The following STK32B variants were observed in gnomAD, a reference collection of about 807,000 sequenced individuals.
STK32B encodes serine/threonine-protein kinase 32B.
A neutral mutation model predicts 52.6 loss-of-function variants in STK32B; 43 were observed. That is an observed-to-expected ratio of 0.82 (90% CI 0.64 to 1.05). The LOEUF (loss-of-function observed/expected upper bound fraction) is 1.05. STK32B is among the 50% of genes least tolerant of loss of function. The pLI, the probability that STK32B is intolerant of heterozygous loss-of-function variation, is 0.00. For synonymous variants in STK32B, 238 were observed against 204.3 expected (o/e 1.17, Z -1.41); for missense variants, 621 against 534.6 (o/e 1.16, Z -1.59).
At chr4:5,258,897 A>G (rs547537488) in intron 3 of STK32B, among the ~76,000 whole-genome samples, 87 of 152,180 alleles carry the variant, frequency 5.7e-4, no homozygotes, top group Admixed American at 9.8e-4. Flanking sequence ...ATTTCCAGCA[A>G]TCGTCTATGA....
intron 3 of STK32B, among the ~76,000 whole-genome samples, chr4:5,242,477 G>A (rs547068995): frequency 6.6e-6 from 1 of 152,028 alleles, no homozygotes; most frequent in African/African-American, 2.4e-5. Context: ...CTGGATATTA[G>A]CCCTTTGTCA....
intron 3 of STK32B, among the ~76,000 whole-genome samples, chr4:5,175,758 C>T (rs1034368360): frequency 2.0e-5 from 3 of 152,112 alleles, no homozygotes; most frequent in Admixed American, 2.0e-4. Context: ...CAGGGACCCA[C>T]TTGAGGAGGC....
At position 5,466,903 on chromosome 4, in the gene STK32B, C is replaced by T. The variant is rs989255934; in HGVS notation, c.1041+69C>T. 6 of 1,530,602 alleles carry T rather than the reference C, an allele frequency of 3.9e-6. No individual in the cohort carries two copies. The South Asian group carries it at 6.3e-5, about 16-fold the overall frequency. 94.8% of individuals were successfully genotyped at this position (1,530,602 alleles called of 1,614,324 possible). On this transcript the variant is annotated intron_variant, in intron 10 of 11. Transcript: ENST00000282908. ...TCATAGGGAAATGACTGAGCCAGGC[C>T]ACTGTTTAGCAAAAAGGGGACATTT...
chr4:5,325,892 A>G (rs770994856), intron 3 of STK32B, among the ~76,000 whole-genome samples: 1 of 152,248 alleles, frequency 6.6e-6, no homozygotes, highest in Non-Finnish European at 1.5e-5. Flanking sequence ...GAATAGTGCA[A>G]AACTACAGAG....
intron 3 of STK32B, among the ~76,000 whole-genome samples, chr4:5,285,979 A>G (rs2108877045): frequency 6.6e-6 from 1 of 152,228 alleles, no homozygotes; most frequent in Non-Finnish European, 1.5e-5. Context: ...ACTGATATCC[A>G]TATAGAAAGA....
chr4:5,064,300 GAT>G (rs1228084298), intron 1 of STK32B, among the ~76,000 whole-genome samples: 1 of 142,358 alleles, frequency 7.0e-6, no homozygotes, highest in African/African-American at 2.6e-5. Flanking sequence ...TACATGTAAA[GAT>G]ATATTTATTA....
At chr4:5,280,379 C>T (rs953484598) in intron 3 of STK32B, among the ~76,000 whole-genome samples, 2 of 152,134 alleles carry the variant, frequency 1.3e-5, no homozygotes, top group Admixed American at 6.5e-5. Context: ...CTATCAGCAT[C>T]TTGGTCACAA....
chr4:5,061,296 T>C (rs1465598530), intron 1 of STK32B, among the ~76,000 whole-genome samples: 2 of 152,200 alleles, frequency 1.3e-5, no homozygotes, highest in East Asian at 3.9e-4. Flanking sequence ...CTTAATGTTA[T>C]TCATTGTGTT....
At chr4:5,481,291 G>T (rs1204066264) in intron 11 of STK32B, among the ~76,000 whole-genome samples, 1 of 152,122 alleles carries the variant, frequency 6.6e-6, no homozygotes, top group Non-Finnish European at 1.5e-5. Context: ...GGTGTGAGAT[G>T]GTATCTCATT....
chr4:5,450,456 C>T (rs528721601), intron 7 of STK32B, among the ~76,000 whole-genome samples: 69 of 152,266 alleles, frequency 4.5e-4, no homozygotes, highest in Non-Finnish European at 9.4e-4. Context: ...ATCCAGGGAG[C>T]GTTGTACCTC....
chr4:5,489,818 G>A (rs558842500), intron 11 of STK32B, among the ~76,000 whole-genome samples: 10 of 151,972 alleles, frequency 6.6e-5, no homozygotes, highest in Non-Finnish European at 1.5e-5. Flanking sequence ...TTATATGAGT[G>A]CTCATTTATT....
chr4:5,139,990 C>T (rs1334288038), intron 2 of STK32B, 30 bp downstream of exon 2: 1 of 1,613,008 alleles, frequency 6.2e-7, no homozygotes, highest in African/African-American at 1.3e-5. Context: ...GACCACTGGG[C>T]TTAAGTATGT....
chr4:5,465,171 C>A (rs1717340795), intron 9 of STK32B, among the ~76,000 whole-genome samples: 1 of 152,148 alleles, frequency 6.6e-6, no homozygotes, highest in South Asian at 2.1e-4. Flanking sequence ...ACTCCATTAG[C>A]CCACGAATGA....
the STK32B span, among the ~76,000 whole-genome samples, chr4:5,038,826 T>C: frequency 6.6e-6 from 1 of 152,148 alleles, no homozygotes; most frequent in African/African-American, 2.4e-5. Context: ...TACACTCAAT[T>C]TATAAAAACA....
At chr4:5,404,796 G>A (rs1212097112) in intron 5 of STK32B, among the ~76,000 whole-genome samples, 18 of 151,078 alleles carry the variant, frequency 1.2e-4, no homozygotes, top group Non-Finnish European at 2.9e-5. Flanking sequence ...TTTGGACTTT[G>A]GTATGTGAAT....
intron 3 of STK32B, among the ~76,000 whole-genome samples, chr4:5,279,923 C>A (rs1055786525): frequency 1.3e-5 from 2 of 152,182 alleles, no homozygotes; most frequent in Non-Finnish European, 2.9e-5. Flanking sequence ...AGCAGCAAGG[C>A]CCTGGGCCTC....
intron 4 of STK32B, among the ~76,000 whole-genome samples, chr4:5,397,825 A>G (rs530144979): frequency 9.2e-5 from 14 of 152,374 alleles, no homozygotes; most frequent in African/African-American, 3.1e-4. Flanking sequence ...AGTGGATGCC[A>G]TGACACCTGC....
At chr4:5,249,422 TCTTCCTTCCTTCCTACCTACCTTCCTTC>T (rs1397099555) in intron 3 of STK32B, among the ~76,000 whole-genome samples, 99 of 131,616 alleles carry the variant, frequency 7.5e-4, no homozygotes, top group East Asian at 1.4e-3. Context: ...GCCTGTCTGT[TCTTCCTTCCTTCCTACCTACCTTCCTTC>T]CTTCCTTCCT....
intron 11 of STK32B, among the ~76,000 whole-genome samples, chr4:5,474,787 A>G (rs1365318814): frequency 1.3e-5 from 2 of 152,088 alleles, no homozygotes; most frequent in Admixed American, 1.3e-4. Flanking sequence ...ATCCGTAGGT[A>G]TTTTTATTCC....
Sources: gnomAD v4.1 joint callset for allele counts (sites outside exome capture counted in the v4.1 genomes callset) on GRCh38, gnomAD v4.1.1 for gene constraint, MANE v1.5 for transcripts, NCBI Gene and HGNC (gene_info 2026-07-23, HGNC 2026-07-21) for gene names.